The following UIMC1 variants were observed in gnomAD, a reference collection of about 807,000 sequenced individuals.
UIMC1 encodes BRCA1-A complex subunit RAP80.
A neutral mutation model predicts 84.9 loss-of-function variants in UIMC1; 42 were observed. The observed-to-expected ratio is 0.49, with a 90% CI of 0.39 to 0.64. The LOEUF (loss-of-function observed/expected upper bound fraction) is 0.64, where lower values mean the gene tolerates loss of function less well. Among genes scored for constraint, UIMC1 ranks in the 30% least tolerant of loss-of-function variants. The pLI is 0.00. For missense variants in UIMC1, 825 were observed against 847.6 expected (o/e 0.97, Z 0.33); for synonymous variants, 281 against 293.0 (o/e 0.96, Z 0.42).
intron 6 of UIMC1, among the ~76,000 whole-genome samples, chr5:176,958,432 TCA>T (rs2149465852): frequency 1.3e-5 from 2 of 152,350 alleles, no homozygotes; most frequent in Middle Eastern, 3.4e-3. Flanking sequence ...AACAATTGCC[TCA>T]CAGAGTGTTG....
At chr5:176,933,521 GTTTAGATTTTTTTTT>G (rs910580268) in intron 10 of UIMC1, among the ~76,000 whole-genome samples, 1 of 141,490 alleles carries the variant, frequency 7.1e-6, no homozygotes, top group African/African-American at 2.6e-5. Flanking sequence ...CTCATTGCTA[GTTTAGATTTTTTTTT>G]TTTTCTTTTT....
upstream of UIMC1, among the ~76,000 whole-genome samples, chr5:177,007,239 C>T (rs1775384657): frequency 6.7e-6 from 1 of 149,646 alleles, no homozygotes; most frequent in South Asian, 2.1e-4. Context: ...ACTCAGGAGC[C>T]TGAGGCAGGA....
intron 6 of UIMC1, among the ~76,000 whole-genome samples, chr5:176,959,247 CAGAAAGAGAA>C (rs1554122313): frequency 2.2e-4 from 34 of 152,252 alleles, no homozygotes; most frequent in African/African-American, 7.2e-4. Flanking sequence ...ATTGAACTCT[CAGAAAGAGAA>C]AGAAAGAGAA....
chr5:176,997,678 C>G (rs553095091), intron 1 of UIMC1, among the ~76,000 whole-genome samples: 59 of 64,778 alleles, frequency 9.1e-4, no homozygotes, highest in African/African-American at 6.4e-3. Context: ...GAGCGAGACT[C>G]TGTCTCAAAA....
chr5:176,944,663 C>T (rs1764862030), intron 9 of UIMC1, among the ~76,000 whole-genome samples: 1 of 152,208 alleles, frequency 6.6e-6, no homozygotes, highest in African/African-American at 2.4e-5. Context: ...AATGTGACTT[C>T]TGAGTCAACT....
Position 176,982,522 on chromosome 5 carries a change from T to C in UIMC1, c.94A>G (p.Arg32Gly). 6.2e-7 allele frequency: 1 copy of C among 1,614,152 alleles called. No homozygotes were observed. The highest frequency in any genetic ancestry group is 1.1e-5 in the South Asian group (1 of 91,082). Reference sequence around the variant, plus strand: ...AATGCATCCTCAAGTCTACGCTTCCTCTTCACACTGACAGAACTGGTAGTT... The same window carrying C: ...AATGCATCCTCAAGTCTACGCTTCCCCTTCACACTGACAGAACTGGTAGTT... Reference protein sequence around the residue: ...VETTSSVSVKRKRRLEDAFIV... With the variant: ...VETTSSVSVKGKRRLEDAFIV... The change falls in exon 2 of 15, where the codon AGG becomes GGG. Residue 32 changes from arginine (R) to glycine (G), a missense_variant. By Grantham distance (125) the Arg-to-Gly change is moderately radical (BLOSUM62 -2). Coordinates refer to ENST00000511320, the MANE Select transcript of UIMC1 (RefSeq NM_001199298.2).
intron 8 of UIMC1, among the ~76,000 whole-genome samples, chr5:176,953,437 C>T (rs1554120084): frequency 6.6e-6 from 1 of 150,682 alleles, no homozygotes; most frequent in East Asian, 1.9e-4. Flanking sequence ...GGATTAAATA[C>T]ATTTCTAGAA....
At chr5:176,982,109 CTAT>C (rs1468511621) in intron 2 of UIMC1, among the ~76,000 whole-genome samples, 1 of 152,130 alleles carries the variant, frequency 6.6e-6, no homozygotes, top group Non-Finnish European at 1.5e-5. Flanking sequence ...TGGCTAGGTG[CTAT>C]TATATGTAGA....
At chr5:176,933,919 T>C (rs987202929) in intron 10 of UIMC1, among the ~76,000 whole-genome samples, 1 of 152,116 alleles carries the variant, frequency 6.6e-6, no homozygotes, top group Non-Finnish European at 1.5e-5. Flanking sequence ...CAAGAAGCCC[T>C]CCCTTACTCC....
intron 2 of UIMC1, among the ~76,000 whole-genome samples, chr5:176,982,133 A>G (rs1771151882): frequency 6.6e-6 from 1 of 152,200 alleles, no homozygotes; most frequent in Non-Finnish European, 1.5e-5. Flanking sequence ...ACATATCAAG[A>G]GACTTAAGAA....
At position 176,998,870 on chromosome 5, in the gene UIMC1, A is replaced by C. The variant is rs145201202; in HGVS notation, c.-9+7780T>G. On this transcript the variant is annotated intron_variant, in intron 1 of 14. Transcript: ENST00000511320. ...TTTCTCCTTTATTCAAAATTCCTAC[A>C]AGTCTGCGCTCATTTTATAATTTAA... Among the ~76,000 whole-genome samples, 297 of 152,100 alleles carry C rather than the reference A, an allele frequency of 2.0e-3. 1 individual carries two copies. The highest frequency in any genetic ancestry group is 6.8e-3 in the African/African-American group (282 of 41,490).
intron 1 of UIMC1, among the ~76,000 whole-genome samples, chr5:177,003,796 A>T (rs1165786741): frequency 1.3e-5 from 2 of 152,170 alleles, no homozygotes; most frequent in Non-Finnish European, 2.9e-5. Flanking sequence ...TCTCACACAG[A>T]GTAGTTTCCA....
At chr5:176,986,067 C>A (rs1318506560) in intron 1 of UIMC1, among the ~76,000 whole-genome samples, 2 of 151,214 alleles carry the variant, frequency 1.3e-5, no homozygotes, top group African/African-American at 4.9e-5. Flanking sequence ...TCCTATGCAA[C>A]GTATTTTTTT....
intron 1 of UIMC1, among the ~76,000 whole-genome samples, chr5:177,020,050 G>C (rs1775755730): frequency 6.6e-6 from 1 of 152,178 alleles, no homozygotes; most frequent in Non-Finnish European, 1.5e-5. Context: ...GTATAAATAA[G>C]GAAATACTTG....
At chr5:176,958,465 G>A (rs1561823780) in intron 6 of UIMC1, among the ~76,000 whole-genome samples, 1 of 152,202 alleles carries the variant, frequency 6.6e-6, no homozygotes, top group Admixed American at 6.5e-5. Context: ...ACAAGATAAT[G>A]TACACAATGC....
intron 1 of UIMC1, among the ~76,000 whole-genome samples, chr5:177,018,355 A>C (rs867961025): frequency 6.6e-6 from 1 of 151,876 alleles, no homozygotes; most frequent in Non-Finnish European, 1.5e-5. Flanking sequence ...GTCTCAAAAA[A>C]AAAAGAAAAG....
chr5:176,983,481 C>T (rs531883709), intron 1 of UIMC1, among the ~76,000 whole-genome samples: 4 of 152,284 alleles, frequency 2.6e-5, no homozygotes, highest in East Asian at 1.9e-4. Context: ...GTGATCTGCC[C>T]GCCTCGGCCT....
chr5:176,986,385 A>AAAAAAAAT (rs1772003872), intron 1 of UIMC1, among the ~76,000 whole-genome samples: 1 of 147,380 alleles, frequency 6.8e-6, no homozygotes, highest in Non-Finnish European at 1.5e-5. Flanking sequence ...AAAAAAAAAA[A>AAAAAAAAT]AAGTAAGGCA....
chr5:176,911,104 G>A (rs1469144064), intron 11 of UIMC1, among the ~76,000 whole-genome samples: 2 of 129,136 alleles, frequency 1.5e-5, no homozygotes, highest in Non-Finnish European at 3.2e-5. Context: ...AAAAAAAAGA[G>A]AGAGAGAGAA....
Sources: gnomAD v4.1 joint callset for allele counts (sites outside exome capture counted in the v4.1 genomes callset) on GRCh38, gnomAD v4.1.1 for gene constraint, MANE v1.5 for transcripts, NCBI Gene and HGNC (gene_info 2026-07-23, HGNC 2026-07-21) for gene names.